STRN: variants seen among roughly 807,000 people sequenced by gnomAD.
STRN encodes protein phosphatase 2 regulatory subunit B'''alpha.
STRN carries 53 observed loss-of-function variants against 96.3 expected under a neutral mutation model. That is an observed-to-expected ratio of 0.55 (90% CI 0.44 to 0.69). STRN has a LOEUF of 0.69. STRN is among the 30% of genes least tolerant of loss of function. The probability of loss-of-function intolerance (pLI) is 0.00; values close to 1 mark genes in which losing one functional copy is unlikely to be tolerated. For missense variants in STRN, 987 were observed against 963.9 expected, an observed-to-expected ratio of 1.02 and a Z score of -0.32; for synonymous variants, 428 against 355.9, an observed-to-expected ratio of 1.20 and a Z score of -2.28.
Position 36,841,922 on chromosome 2 carries a change from G to T in STRN, c.*7534C>A, listed in dbSNP as rs1395920368. On this transcript the variant is annotated 3_prime_UTR_variant, in exon 18 of 18. Transcript: ENST00000263918. Reference sequence around the variant, plus strand: ...TGAAATGGAAGACAATGTGGCTCAGGCCACAGGGTCAGTTGCTTCTCCTTT... The same window carrying T: ...TGAAATGGAAGACAATGTGGCTCAGTCCACAGGGTCAGTTGCTTCTCCTTT... The T allele has an allele frequency of 2.0e-5, 3 of 152,186 alleles. No homozygotes were observed. The highest frequency in any genetic ancestry group is 7.2e-5 in the African/African-American group (3 of 41,438). 9.4% of individuals were successfully genotyped at this position (152,186 alleles called of 1,614,324 possible). A position where few individuals can be genotyped will look rare whatever the true frequency, so the allele number is the denominator to read the frequency against.
chr2:36,884,000 G>T lies in STRN; in HGVS notation c.1118C>A (p.Ser373Tyr). 1 of 1,445,012 alleles carries T rather than the reference G, an allele frequency of 6.9e-7. No individual in the cohort carries two copies. The highest frequency in any genetic ancestry group is 9.1e-7 in the Non-Finnish European group (1 of 1,093,490). 89.5% of individuals were successfully genotyped at this position (1,445,012 alleles called of 1,614,324 possible). The change falls in exon 9 of 18, where the codon TCT becomes TAT. Residue 373 changes from serine (S) to tyrosine (Y), a missense_variant. Physicochemically the swap from Ser to Tyr is moderately radical, Grantham distance 144. Coordinates refer to ENST00000263918, the MANE Select transcript of STRN (RefSeq NM_003162.4). ...DVDELPSLQPSVGSPSRPSSS... is the reference protein window; with the variant it reads ...DVDELPSLQPYVGSPSRPSSS... Reference sequence around the variant, plus strand: ...GCTGGGTCTGGAAGGTGAACCCACAGATGGCTGCAATGAAGGAAGTTCATC... The same window carrying T: ...GCTGGGTCTGGAAGGTGAACCCACATATGGCTGCAATGAAGGAAGTTCATC...
intron 1 of STRN, among the ~76,000 whole-genome samples, chr2:36,932,849 C>A (rs1416864612): frequency 6.6e-6 from 1 of 152,164 alleles, no homozygotes; most frequent in Non-Finnish European, 1.5e-5. Flanking sequence ...CAAATTCTCA[C>A]TTAAAGCACT....
intron 1 of STRN, among the ~76,000 whole-genome samples, chr2:36,962,334 A>G (rs998301072): frequency 1.3e-5 from 2 of 152,164 alleles, no homozygotes; most frequent in Non-Finnish European, 2.9e-5. Flanking sequence ...ACAGGTAAAT[A>G]TCAGGGCCTC....
rs1313296768 is a variant in STRN at position 36,842,362 on chromosome 2, A to G, written c.*7094T>C. 6.6e-6 allele frequency: 1 copy of G among 152,222 alleles called. No homozygotes were observed. Among genetic ancestry groups the G allele is most frequent in the Non-Finnish European group, 1.5e-5 (1 of 68,036 alleles). The allele number at this position is 152,222 out of a possible 1,614,324, so 9.4% of individuals were successfully genotyped here. ...ATTTTATGATGGCATAAGAAATTAT[A>G]GCACATAAATTAATAACACTATAGT... On this transcript the variant is annotated 3_prime_UTR_variant, in exon 18 of 18. Transcript: ENST00000263918.
chr2:36,918,453 AT>A (rs1670168169), intron 2 of STRN, among the ~76,000 whole-genome samples: 1 of 151,866 alleles, frequency 6.6e-6, no homozygotes, highest in Non-Finnish European at 1.5e-5. Context: ...TGGAGTTTAT[AT>A]TTTTTATATA....
chr2:36,884,397 A>G (rs1669156526), intron 8 of STRN, among the ~76,000 whole-genome samples: 1 of 152,214 alleles, frequency 6.6e-6, no homozygotes, highest in South Asian at 2.1e-4. Flanking sequence ...ACAGATTGTG[A>G]GCCTACTGTG....
chr2:36,947,589 A>G (rs1664615271), intron 1 of STRN, among the ~76,000 whole-genome samples: 1 of 148,778 alleles, frequency 6.7e-6, no homozygotes, highest in African/African-American at 2.4e-5. Flanking sequence ...ATATATATAA[A>G]ATCACTGAAC....
intron 1 of STRN, among the ~76,000 whole-genome samples, chr2:36,957,749 T>TTG (rs1558669980): frequency 3.9e-5 from 3 of 76,776 alleles, no homozygotes; most frequent in African/African-American, 1.4e-4. Flanking sequence ...TTTGTCTTTT[T>TTG]TTTTTTTTTT....
rs527331463 is a variant in STRN, at chr2:36,866,855, T to G, written c.1547+959A>C. On this transcript the variant is annotated intron_variant, in intron 12 of 17. Coordinates refer to ENST00000263918, the MANE Select transcript of STRN (RefSeq NM_003162.4). ...AAATTAGAGTAGCAACTCCTGCTTTTTTCTGTTTTCCATTTGCTTGGTTGA... is the reference window on the plus strand; with the variant it reads ...AAATTAGAGTAGCAACTCCTGCTTTGTTCTGTTTTCCATTTGCTTGGTTGA... 1.1e-4 allele frequency among the ~76,000 whole-genome samples: 17 copies of G among 152,336 alleles called. No individual in the cohort carries two copies. The South Asian group carries it at 3.3e-3, about 30-fold the overall frequency.
chr2:36,846,899 C>G lies in STRN; in HGVS notation c.*2557G>C, dbSNP rs1558617961. The G allele has an allele frequency of 6.6e-6, 1 of 152,148 alleles. No homozygotes were observed. The highest frequency in any genetic ancestry group is 1.9e-4 in the East Asian group (1 of 5,180). The allele number at this position is 152,148 out of a possible 1,614,324, so 9.4% of individuals were successfully genotyped here. A position where few individuals can be genotyped will look rare whatever the true frequency, so the allele number is the denominator to read the frequency against. On this transcript the variant is annotated 3_prime_UTR_variant, in exon 18 of 18. Coordinates refer to ENST00000263918, the MANE Select transcript of STRN (RefSeq NM_003162.4). The stretch of plus-strand genomic sequence containing the variant: ...ACCTCCCGCTAATTTTCATACTATT[C>G]CAATACATTTCAAACAAAATATTTA...
chr2:36,923,399 C>A (rs577178948), intron 2 of STRN, among the ~76,000 whole-genome samples: 1 of 143,590 alleles, frequency 7.0e-6, no homozygotes, highest in African/African-American at 2.6e-5. Flanking sequence ...TGCAGTAAGC[C>A]GAGATCACAC....
rs1338672525 is a variant in STRN at position 36,928,904 on chromosome 2, C to T, written c.235-3696G>A. Among the ~76,000 whole-genome samples the T allele has an allele frequency of 4.0e-5, 6 of 149,000 alleles. No homozygotes were observed. The East Asian group carries it at 9.9e-4, about 25-fold the overall frequency. ...CAGAGGCTGCAGTGAGCCGAGACCA[C>T]GCCACTGCACTCCAGCCTGGGCAAC... On this transcript the variant is annotated intron_variant, in intron 1 of 17. Transcript: ENST00000263918.
At chr2:36,966,137 C>T in intron 1 of STRN, 93 bp downstream of exon 1, 1 of 1,239,200 alleles carries the variant, frequency 8.1e-7, no homozygotes, top group African/African-American at 2.4e-5. Flanking sequence ...GGAGGGGACG[C>T]GAGAAGGCTG....
chr2:36,949,777 T>G (rs889526929), intron 1 of STRN, among the ~76,000 whole-genome samples: 8 of 152,056 alleles, frequency 5.3e-5, no homozygotes, highest in African/African-American at 1.9e-4. Context: ...GAGTTTCAAG[T>G]TATAGTAGGT....
At chr2:36,881,078 CA>C (rs1332799921) in intron 9 of STRN, among the ~76,000 whole-genome samples, 1 of 144,732 alleles carries the variant, frequency 6.9e-6, no homozygotes, top group African/African-American at 2.5e-5. Flanking sequence ...AAAAACAAAA[CA>C]AAACAAAACC....
rs1191996661 is a variant in STRN, at chr2:36,848,747, T to G, written c.*709A>C. The G allele has an allele frequency of 6.6e-6, 1 of 152,420 alleles. No homozygotes were observed. The highest frequency in any genetic ancestry group is 1.5e-5 in the Non-Finnish European group (1 of 68,036). The allele number at this position is 152,420 out of a possible 1,614,324, so 9.4% of individuals were successfully genotyped here. A position where few individuals can be genotyped will look rare whatever the true frequency, so the allele number is the denominator to read the frequency against. On this transcript the variant is annotated 3_prime_UTR_variant, in exon 18 of 18. Coordinates refer to ENST00000263918, the MANE Select transcript of STRN (RefSeq NM_003162.4). The stretch of plus-strand genomic sequence containing the variant: ...ATTCTTCACAATGGTGAGTGCTTGA[T>G]AGCTAAACTTTAGAATGATACCAAA...
rs956539668 is a variant in STRN at position 36,853,668 on chromosome 2, A to G, written c.1978+1544T>C. On this transcript the variant is annotated intron_variant, in intron 15 of 17. Coordinates refer to ENST00000263918, the MANE Select transcript of STRN (RefSeq NM_003162.4). ...AAGGGTAATTTATTCCTATTCTAAC[A>G]AACATCCTTCATCACTTTAAACTCT... 5.4e-4 allele frequency among the ~76,000 whole-genome samples: 83 copies of G among 152,308 alleles called. 1 individual carries two copies. The highest frequency in any genetic ancestry group is 1.9e-3 in the African/African-American group (80 of 41,564).
rs547105995 is a variant in STRN, at chr2:36,843,968, C to T, written c.*5488G>A. The T allele has an allele frequency of 2.0e-5, 3 of 152,072 alleles. No homozygotes were observed. Among genetic ancestry groups the T allele is most frequent in the African/African-American group, 7.2e-5 (3 of 41,486 alleles). 9.4% of individuals were successfully genotyped at this position (152,072 alleles called of 1,614,324 possible). ...ATTGATGTAACTAAAATTTAAAATA[C>T]CTGAAGATCAAACAATCTGGCCCAG... On this transcript the variant is annotated 3_prime_UTR_variant, in exon 18 of 18. Coordinates refer to ENST00000263918, the MANE Select transcript of STRN (RefSeq NM_003162.4).
chr2:36,920,585 C>T (rs1173741725), intron 2 of STRN, among the ~76,000 whole-genome samples: 1 of 149,662 alleles, frequency 6.7e-6, no homozygotes, highest in Non-Finnish European at 1.5e-5. Flanking sequence ...TTGCAGTGAG[C>T]TGAGATCGTG....
Sources: allele counts gnomAD v4.1 joint callset (sites outside exome capture counted in the v4.1 genomes callset), GRCh38; gene constraint gnomAD v4.1.1; transcripts MANE v1.5; gene names NCBI Gene and HGNC (gene_info 2026-07-23, HGNC 2026-07-21).